GAPVD1: variants seen among roughly 807,000 people sequenced by gnomAD.
The protein encoded by GAPVD1 is GTPase activating protein and VPS9 domains 1, also known as GTPase-activating protein and VPS9 domain-containing protein 1.
GAPVD1 carries 35 observed loss-of-function variants against 155.5 expected under a neutral mutation model. The ratio of observed to expected loss-of-function variants is 0.23; its 90% CI spans 0.17 to 0.30. The LOEUF is 0.30. Ranked by LOEUF, GAPVD1 falls within the 10% of genes least tolerant of loss-of-function variation. The pLI is 1.00. For missense variants in GAPVD1, 1,429 were observed against 1,775.7 expected (o/e 0.80, Z 3.51); for synonymous variants, 636 against 619.7 (o/e 1.03, Z -0.39).
chr9:125,271,955 C>T (rs755593297), intron 2 of GAPVD1, among the ~76,000 whole-genome samples: 3 of 152,188 alleles, frequency 2.0e-5, no homozygotes, highest in Non-Finnish European at 4.4e-5. Context: ...AAAGTTATAA[C>T]ATTTAAGGCT....
rs1564310929 is a variant in GAPVD1 at position 125,293,855 on chromosome 9, TATATATA to T, written c.-149-1602_-149-1596del. Among the ~76,000 whole-genome samples the T allele has an allele frequency of 1.9e-3, 8 of 4,224 alleles. No individual in the cohort carries two copies. In the South Asian group the frequency reaches 0.026, roughly 14 times the overall value. The allele number at this position is 4,224 out of a possible 152,430, so 2.8% of individuals were successfully genotyped here. A position where few individuals can be genotyped will look rare whatever the true frequency, so the allele number is the denominator to read the frequency against. On this transcript the variant is annotated intron_variant, in intron 2 of 27. Coordinates refer to ENST00000297933, the MANE Select transcript of GAPVD1 (RefSeq NM_001282680.3). Reference sequence around the variant, plus strand: ...AATATATATATAAAAATATATTTTATATATATATATATATATATATATATATATATAT... The same window carrying T: ...AATATATATATAAAAATATATTTTATTATATATATATATATATATATATAT...
chr9:125,278,248 C>T (rs898534874), intron 2 of GAPVD1, among the ~76,000 whole-genome samples: 1 of 152,128 alleles, frequency 6.6e-6, no homozygotes, highest in East Asian at 1.9e-4. Context: ...AGGCTGGGTG[C>T]GGTGGCTTAT....
chr9:125,332,166 G>A, intron 14 of GAPVD1, 106 bp downstream of exon 14: 1 of 1,118,708 alleles, frequency 8.9e-7, no homozygotes, highest in Non-Finnish European at 1.3e-6. Context: ...TAAGAGCTGA[G>A]TAATTTCCAG....
chr9:125,333,928 C>T (rs1846474683), intron 15 of GAPVD1, among the ~76,000 whole-genome samples: 2 of 152,068 alleles, frequency 1.3e-5, no homozygotes, highest in Non-Finnish European at 2.9e-5. Context: ...GCAGCTCTGG[C>T]CCCTACCAGT....
intron 3 of GAPVD1, among the ~76,000 whole-genome samples, chr9:125,298,481 ATT>A (rs34644117): frequency 0.013 from 1,175 of 89,130 alleles, 9 homozygotes; most frequent in African/African-American, 0.049. Context: ...ATGTAACCTA[ATT>A]TTTTTTTTTT....
chr9:125,268,754 A>G (rs1020351052), intron 1 of GAPVD1, among the ~76,000 whole-genome samples, 182 bp from the exon 2 acceptor site: 2 of 152,106 alleles, frequency 1.3e-5, no homozygotes, highest in African/African-American at 4.8e-5. Flanking sequence ...CACTGGTCTC[A>G]AACTCCTGAG....
chr9:125,356,703 ACT>A (rs376886803), intron 25 of GAPVD1, among the ~76,000 whole-genome samples: 111 of 151,318 alleles, frequency 7.3e-4, no homozygotes, highest in African/African-American at 2.7e-3. Flanking sequence ...ACAGAGTGTC[ACT>A]CTGCTGCCTA....
intron 2 of GAPVD1, among the ~76,000 whole-genome samples, chr9:125,272,565 T>C (rs1588540381): frequency 1.3e-5 from 2 of 152,320 alleles, no homozygotes; most frequent in East Asian, 3.9e-4. Context: ...CTGACATTTA[T>C]TGGATTCGTT....
chr9:125,364,792 C>T lies in GAPVD1; in HGVS notation c.*2046C>T, dbSNP rs1052533275. The T allele has an allele frequency of 2.0e-5, 3 of 152,592 alleles. No homozygotes were observed. The highest frequency in any genetic ancestry group is 2.4e-5 in the African/African-American group (1 of 41,428). 9.5% of individuals were successfully genotyped at this position (152,592 alleles called of 1,614,324 possible). ...GTTAAATCCCATCGTAAATACATCA[C>T]GAGGCCAGCTGTGTGATTTCTGAGA... On this transcript the variant is annotated 3_prime_UTR_variant, in exon 28 of 28. Coordinates refer to ENST00000297933, the MANE Select transcript of GAPVD1 (RefSeq NM_001282680.3).
chr9:125,314,262 A>G (rs12553785), intron 9 of GAPVD1, among the ~76,000 whole-genome samples: 77,898 of 152,034 alleles, frequency 0.51, 20,099 homozygotes, highest in Middle Eastern at 0.59. Context: ...AAATGGAAGA[A>G]ATAATGGAAA....
At chr9:125,338,542 C>T (rs1847358276) in intron 17 of GAPVD1, among the ~76,000 whole-genome samples, 1 of 152,234 alleles carries the variant, frequency 6.6e-6, no homozygotes, top group Non-Finnish European at 1.5e-5. Flanking sequence ...TTTCTTGACT[C>T]ATATGACCTG....
intron 8 of GAPVD1, among the ~76,000 whole-genome samples, chr9:125,311,602 C>G (rs905305637): frequency 3.9e-5 from 6 of 152,160 alleles, no homozygotes; most frequent in African/African-American, 1.4e-4. Flanking sequence ...GCCTGGGCAA[C>G]AAGAGTGAAA....
chr9:125,279,594 A>G (rs1836401708), intron 2 of GAPVD1, among the ~76,000 whole-genome samples: 1 of 151,548 alleles, frequency 6.6e-6, no homozygotes, highest in African/African-American at 2.4e-5. Context: ...AAAATTAAAA[A>G]TCAAAAATAA....
intron 10 of GAPVD1, among the ~76,000 whole-genome samples, chr9:125,323,105 A>AT (rs1844614029): frequency 6.6e-6 from 1 of 151,166 alleles, no homozygotes. Flanking sequence ...CTTTAGATTA[A>AT]TTATTATTAT....
At chr9:125,355,521 T>C (rs1247992637) in intron 24 of GAPVD1, 123 bp from the exon 25 acceptor site, 2 of 629,998 alleles carry the variant, frequency 3.2e-6, no homozygotes, top group African/African-American at 3.7e-5. Context: ...ACTGAAACAC[T>C]TTTGGCTTTA....
chr9:125,323,051 T>TAAA (rs747447121), intron 10 of GAPVD1, among the ~76,000 whole-genome samples: 1 of 102,482 alleles, frequency 9.8e-6, no homozygotes, highest in Non-Finnish European at 2.0e-5. Flanking sequence ...AGACTCTCTC[T>TAAA]AAAAAAAAAA....
rs1451958744 is a variant in GAPVD1 at position 125,362,802 on chromosome 9, A to C, written c.*56A>C. On this transcript the variant is annotated 3_prime_UTR_variant, in exon 28 of 28. Transcript: ENST00000297933. ...TGTTAATCAGACAAACAGATCTCTG[A>C]GAAGGTGCATCAGCTGCTTTGAAGG... The C allele has an allele frequency of 5.2e-6, 8 of 1,541,844 alleles. No individual in the cohort carries two copies. Among genetic ancestry groups the C allele is most frequent in the African/African-American group, 2.7e-5 (2 of 73,316 alleles).
intron 8 of GAPVD1, among the ~76,000 whole-genome samples, chr9:125,311,559 C>G (rs117105576): frequency 6.6e-6 from 1 of 152,022 alleles, no homozygotes; most frequent in Non-Finnish European, 1.5e-5. Flanking sequence ...AGGCGGTGAT[C>G]GCAATGAGCC....
rs1564311297 is a variant in GAPVD1, at chr9:125,293,865, TA to T, written c.-149-1592del. 1.3e-3 allele frequency among the ~76,000 whole-genome samples: 117 copies of T among 88,464 alleles called. 11 individuals carry two copies. The East Asian group carries it at 0.024, about 18-fold the overall frequency. The allele number at this position is 88,464 out of a possible 152,430, so 58.0% of individuals were successfully genotyped here. ...TAAAAATATATTTTATATATATATA[TA>T]TATATATATATATATATATATATAT... On this transcript the variant is annotated intron_variant, in intron 2 of 27. Coordinates refer to ENST00000297933, the MANE Select transcript of GAPVD1 (RefSeq NM_001282680.3).
Sources: allele counts gnomAD v4.1 joint callset (sites outside exome capture counted in the v4.1 genomes callset), GRCh38; gene constraint gnomAD v4.1.1; transcripts MANE v1.5; gene names NCBI Gene and HGNC (gene_info 2026-07-23, HGNC 2026-07-21).